Variants in SNX31 observed in about 807,000 individuals in gnomAD.
SNX31 encodes sorting nexin-31.
SNX31 carries 58 observed loss-of-function variants against 65.4 expected under a neutral mutation model. The ratio of observed to expected loss-of-function variants is 0.89; its 90% CI spans 0.72 to 1.10. The LOEUF is 1.10. Among genes scored for constraint, SNX31 ranks in the 50% least tolerant of loss-of-function variants. SNX31 has a pLI of 0.00. For missense variants in SNX31, 523 were observed against 529.7 expected (o/e 0.99, Z 0.12); for synonymous variants, 181 against 190.1 (o/e 0.95, Z 0.39).
intron 2 of SNX31, among the ~76,000 whole-genome samples, chr8:100,644,727 G>C (rs894006438): frequency 6.6e-6 from 1 of 152,150 alleles, no homozygotes; most frequent in African/African-American, 2.4e-5. Context: ...TGCAGTGGTG[G>C]GATCTCAGCT....
intron 8 of SNX31, among the ~76,000 whole-genome samples, chr8:100,608,113 C>A (rs1275238502): frequency 1.3e-5 from 2 of 152,216 alleles, no homozygotes; most frequent in Non-Finnish European, 2.9e-5. Flanking sequence ...GATAGAATTC[C>A]TTTTCTCTCT....
chr8:100,644,620 G>A (rs980439631), intron 2 of SNX31, among the ~76,000 whole-genome samples: 7 of 152,178 alleles, frequency 4.6e-5, no homozygotes, highest in Non-Finnish European at 1.0e-4. Context: ...TCACAGCAGA[G>A]CCCATGGAAA....
chr8:100,648,175 C>G lies in SNX31; in HGVS notation c.141+1099G>C, dbSNP rs1476134007. Among the ~76,000 whole-genome samples the G allele has an allele frequency of 3.3e-5, 5 of 152,138 alleles. No homozygotes were observed. The highest frequency in any genetic ancestry group is 5.9e-5 in the Non-Finnish European group (4 of 68,038). ...TTAATAGCAGAAAAAACAAACTAAG[C>G]TGTCGGTCAACAGAAGATGGTTAAA... On this transcript the variant is annotated intron_variant, in intron 2 of 13. Transcript: ENST00000311812. The surrounding 1 kb of genome is among the most constrained non-coding windows in gnomAD (Gnocchi z 4.3).
At chr8:100,650,869 T>C (rs1819950261), upstream of SNX31, among the ~76,000 whole-genome samples, 1 of 151,586 alleles carries the variant, frequency 6.6e-6, no homozygotes, top group Non-Finnish European at 1.5e-5. Context: ...TTTTTTGTTT[T>C]GAGACAGAGT....
At chr8:100,589,173 G>A (rs1037325119) in intron 10 of SNX31, among the ~76,000 whole-genome samples, 194 bp from the exon 11 acceptor site, 1 of 151,746 alleles carries the variant, frequency 6.6e-6, no homozygotes, top group Non-Finnish European at 1.5e-5. Flanking sequence ...TGGTGGCAGG[G>A]GCCTGTAATC....
At chr8:100,592,489 G>A (rs1304825612) in intron 10 of SNX31, among the ~76,000 whole-genome samples, 1 of 152,166 alleles carries the variant, frequency 6.6e-6, no homozygotes, top group Non-Finnish European at 1.5e-5. Context: ...TACTGGCAAG[G>A]ATGAGGAGAA....
At chr8:100,584,705 C>T (rs1482507585) in intron 11 of SNX31, among the ~76,000 whole-genome samples, 4 of 150,614 alleles carry the variant, frequency 2.7e-5, no homozygotes, top group African/African-American at 9.8e-5. Flanking sequence ...AAAAGATCAG[C>T]TGTTTTTCTT....
rs148633660 is a variant in SNX31, at chr8:100,615,167, G to A, written c.433-2082C>T. Among the ~76,000 whole-genome samples the A allele has an allele frequency of 2.7e-3, 414 of 152,250 alleles. 3 individuals carry two copies. Among genetic ancestry groups the A allele is most frequent in the African/African-American group, 8.8e-3 (364 of 41,522 alleles). ...ACTTACCTGATCTGATGATGTCAAC[G>A]TCTTGGGTCTGAATTTCTCACAAGC... On this transcript the variant is annotated intron_variant, in intron 5 of 13. Transcript: ENST00000311812.
chr8:100,617,502 C>G (rs1047867861), intron 5 of SNX31, 118 bp downstream of exon 5: 9 of 662,116 alleles, frequency 1.4e-5, no homozygotes, highest in Non-Finnish European at 1.3e-5. Flanking sequence ...AGATAATCAT[C>G]CACAGAGTAA....
chr8:100,625,305 T>G lies in SNX31; in HGVS notation c.321+5022A>C, dbSNP rs1161599566. 6.6e-6 allele frequency among the ~76,000 whole-genome samples: 1 copy of G among 152,012 alleles called. No homozygotes were observed. Among genetic ancestry groups the G allele is most frequent in the Admixed American group, 6.6e-5 (1 of 15,254 alleles). ...AACATTCTTAAGAATGTTTTCCATT[T>G]CCCTTGTAGAGAAATGACAGCGGCC... On this transcript the variant is annotated intron_variant, in intron 4 of 13. Coordinates refer to ENST00000311812, the MANE Select transcript of SNX31 (RefSeq NM_152628.4). The surrounding 1 kb of genome is among the most constrained non-coding windows in gnomAD (Gnocchi z 4.2).
At chr8:100,659,255 A>G (rs1406918728) in intron 1 of SNX31, among the ~76,000 whole-genome samples, 1 of 149,738 alleles carries the variant, frequency 6.7e-6, no homozygotes, top group East Asian at 2.0e-4. Flanking sequence ...CTGACGCAGG[A>G]GACTTGCTTG....
chr8:100,574,657 G>A (rs374341002), intron 13 of SNX31, among the ~76,000 whole-genome samples: 80 of 149,356 alleles, frequency 5.4e-4, no homozygotes, highest in Non-Finnish European at 1.0e-3. Flanking sequence ...AGAAGAGGCC[G>A]TGTACAGTGG....
In SNX31 at chr8:100,641,417, T is replaced by C. The variant is rs573331481; in HGVS notation, c.142-5406A>G. Among the ~76,000 whole-genome samples, 3 of 150,492 alleles carry C rather than the reference T, an allele frequency of 2.0e-5. No homozygotes were observed. In the East Asian group the frequency reaches 6.0e-4, roughly 30 times the overall value. The stretch of plus-strand genomic sequence containing the variant: ...AGCCAAGTGTGGTAGCATGTGCCTG[T>C]AGTCCCAGCTACTCAGGAAGTTGAG... On this transcript the variant is annotated intron_variant, in intron 2 of 13. Coordinates refer to ENST00000311812, the MANE Select transcript of SNX31 (RefSeq NM_152628.4).
intron 1 of SNX31, among the ~76,000 whole-genome samples, chr8:100,654,694 G>A (rs987014022): frequency 6.6e-6 from 1 of 152,194 alleles, no homozygotes; most frequent in Non-Finnish European, 1.5e-5. Context: ...CATTCAATGT[G>A]GGAATTGAAA....
Position 100,594,999 on chromosome 8 carries a change from T to A in SNX31, c.978+1640A>T, listed in dbSNP as rs1814935016. Among the ~76,000 whole-genome samples the A allele has an allele frequency of 6.6e-6, 1 of 152,214 alleles. No individual in the cohort carries two copies. The highest frequency in any genetic ancestry group is 2.4e-5 in the African/African-American group (1 of 41,446). ...CAAACTACTGATATAGTCAGCAACC[T>A]GAATGAACTTCCAACAAATTATGCA... is the stretch of plus-strand genomic sequence containing the variant. On this transcript the variant is annotated intron_variant, in intron 10 of 13. Transcript: ENST00000311812. This position sits in a 1 kb window ranked among gnomAD's most constrained non-coding sequence, Gnocchi z 4.0.
At chr8:100,649,666 A>T (rs1248071833), upstream of SNX31, 3 of 673,308 alleles carry the variant, frequency 4.5e-6, no homozygotes, top group Non-Finnish European at 7.2e-6. Context: ...GGGGACATCT[A>T]CAGGTGGGGC....
Position 100,618,530 on chromosome 8 carries a change from A to T in SNX31, c.322-800T>A, listed in dbSNP as rs546310765. The T allele has an allele frequency of 5.0e-6, 3 of 598,514 alleles. No individual in the cohort carries two copies. In the African/African-American group the frequency reaches 5.6e-5, roughly 11 times the overall value. The allele number at this position is 598,514 out of a possible 1,614,324, so 37.1% of individuals were successfully genotyped here. On this transcript the variant is annotated intron_variant, in intron 4 of 13. Transcript: ENST00000311812. ...GTTGGCATCAGATCCCTCACGTTTA[A>T]GGGCTCAGCTCCACAAGACTACCCC... is the stretch of plus-strand genomic sequence containing the variant.
At chr8:100,649,166 C>A (rs1164473379) in intron 2 of SNX31, 108 bp downstream of exon 2, 2 of 1,062,290 alleles carry the variant, frequency 1.9e-6, no homozygotes, top group Non-Finnish European at 1.4e-6. Context: ...AGCCCGAGGC[C>A]GTGAAAGGCC....
chr8:100,619,416 A>G lies in SNX31; in HGVS notation c.322-1686T>C, dbSNP rs1181388237. ...TGGACACAACTCTGCAGGCTTAAGC[A>G]TAAGCATCCTGCAAGGGGAAGGATG... On this transcript the variant is annotated intron_variant, in intron 4 of 13. Coordinates refer to ENST00000311812, the MANE Select transcript of SNX31 (RefSeq NM_152628.4). Among the ~76,000 whole-genome samples the G allele has an allele frequency of 3.9e-5, 6 of 152,248 alleles. No homozygotes were observed. The East Asian group carries it at 1.2e-3, about 29-fold the overall frequency.
Sources: gnomAD v4.1 joint callset for allele counts (sites outside exome capture counted in the v4.1 genomes callset) on GRCh38, gnomAD v4.1.1 for gene constraint, Gnocchi (gnomAD v3.1) non-coding constraint, MANE v1.5 for transcripts, NCBI Gene and HGNC (gene_info 2026-07-23, HGNC 2026-07-21) for gene names.